SETD4: variants seen among roughly 807,000 people sequenced by gnomAD.
The protein encoded by SETD4 is SET domain containing 4, also known as SET domain-containing protein 4.
A neutral mutation model predicts 58.3 loss-of-function variants in SETD4; 46 were observed. The ratio of observed to expected loss-of-function variants is 0.79; its 90% confidence interval spans 0.62 to 1.01. SETD4 has a LOEUF of 1.01. Ranked by LOEUF, SETD4 falls within the 50% of genes least tolerant of loss-of-function variation. SETD4 has a pLI of 0.00. For synonymous variants in SETD4, 190 were observed against 202.6 expected, an observed-to-expected ratio of 0.94 and a Z score of 0.53; for missense variants, 490 against 523.3, an observed-to-expected ratio of 0.94 and a Z score of 0.62.
chr21:36,044,428 C>T (rs958264795), intron 6 of SETD4, among the ~76,000 whole-genome samples: 3 of 152,318 alleles, frequency 2.0e-5, no homozygotes, highest in African/African-American at 4.8e-5. Context: ...GGCTGTAGTT[C>T]GTGCTGTGGT....
In SETD4 at chr21:36,045,591, T is replaced by C. The variant is rs144764461; in HGVS notation, c.717A>G (p.Pro239=). 1 of 1,612,960 alleles carries C rather than the reference T, an allele frequency of 6.2e-7. No individual in the cohort carries two copies. ...CTTGTCAGCTTCTCACCTGGACATG[T>C]GGGCTATGATTCAGCAGGTCCAGGT... The part of the protein sequence containing the change: ...APYLDLLNHS[P]HVQVKAAFNE... Residue 239 remains proline, a synonymous_variant, in exon 6 of 12, where the codon CCA becomes CCG. Transcript: ENST00000332131.
chr21:36,048,008 A>G (rs1234397042), intron 5 of SETD4, among the ~76,000 whole-genome samples: 1 of 144,500 alleles, frequency 6.9e-6, no homozygotes. Flanking sequence ...CATCTCAAGC[A>G]AGAGAGAGAG....
intron 3 of SETD4, among the ~76,000 whole-genome samples, chr21:36,055,428 A>G (rs2064940998): frequency 6.6e-6 from 1 of 152,206 alleles, no homozygotes; most frequent in Non-Finnish European, 1.5e-5. Flanking sequence ...ACTATCATCA[A>G]TCTACATGGG....
intron 4 of SETD4, chr21:36,051,088 G>A (rs2064657524): frequency 7.0e-7 from 1 of 1,426,138 alleles, no homozygotes; most frequent in Non-Finnish European, 9.9e-7. Context: ...CATAAGGCTT[G>A]TAATCTAGAT....
intron 9 of SETD4, among the ~76,000 whole-genome samples, chr21:36,039,317 C>CG (rs1476593416): frequency 6.6e-6 from 1 of 152,162 alleles, no homozygotes; most frequent in Non-Finnish European, 1.5e-5. Context: ...AGAACTGAAA[C>CG]GCCCCAGCCA....
At chr21:36,038,396 T>A in intron 9 of SETD4, 123 bp from the exon 10 acceptor site, 2 of 1,224,664 alleles carry the variant, frequency 1.6e-6, no homozygotes, top group Non-Finnish European at 2.3e-6. Context: ...ACTCATTCCA[T>A]AAGCAGATTC....
In SETD4 at chr21:36,035,144, C is replaced by A. The variant is rs1209802503; in HGVS notation, c.*849G>T. ...CACGGGCCTGAACAGGACCAGCAGC[C>A]CCTCCGTTACTTACGCAGGCAGTTC... On this transcript the variant is annotated 3_prime_UTR_variant, in exon 12 of 12. Coordinates refer to ENST00000332131, the MANE Select transcript of SETD4 (RefSeq NM_017438.5). 2 of 152,278 alleles carry A rather than the reference C, an allele frequency of 1.3e-5. No individual in the cohort carries two copies. The highest frequency in any genetic ancestry group is 2.4e-5 in the African/African-American group (1 of 41,450). The allele number at this position is 152,278 out of a possible 1,614,324, so 9.4% of individuals were successfully genotyped here. A position where few individuals can be genotyped will look rare whatever the true frequency, so the allele number is the denominator to read the frequency against.
At chr21:36,039,960 TAGC>T (rs1307080613) in intron 9 of SETD4, among the ~76,000 whole-genome samples, 1 of 152,254 alleles carries the variant, frequency 6.6e-6, no homozygotes, top group Non-Finnish European at 1.5e-5. Context: ...CCTGGATATC[TAGC>T]AGCAGAAGGT....
Position 36,036,169 on chromosome 21 carries a change from ATCTT to A in SETD4, c.1267_1270del (p.Lys423PhefsTer63). 6 of 1,613,948 alleles carry A rather than the reference ATCTT, an allele frequency of 3.7e-6. No homozygotes were observed. Among genetic ancestry groups the A allele is most frequent in the Non-Finnish European group, 5.1e-6 (6 of 1,179,990 alleles). On this transcript the variant is annotated frameshift_variant, in exon 11 of 12. Transcript: ENST00000332131. LOFTEE classifies it high-confidence loss of function. ...CAGGGTCTCGGCAGATGCCCTGAGA[ATCTT>A]TAGCTCTTCCGTCCACAAGGATTCC...
rs779154172 is a variant in SETD4, at chr21:36,040,658, G to T, written c.984-3C>A. On this transcript the variant is annotated splice_region_variant and splice_polypyrimidine_tract_variant and intron_variant, in intron 8 of 11. Transcript: ENST00000332131. ...CATCCCATCCAAATGTCAAATTTCT[G>T]AAGTAGAAAAACAAATAATGACAAA... The T allele has an allele frequency of 1.2e-6, 2 of 1,612,498 alleles. No individual in the cohort carries two copies. The highest frequency in any genetic ancestry group is 1.7e-6 in the Non-Finnish European group (2 of 1,178,702).
Position 36,058,897 on chromosome 21 carries a change from TG to T in SETD4, c.-10del, listed in dbSNP as rs1258993108. Reference sequence around the variant, plus strand: ...CCTTTTCCTTTCTGCATGCTAAAACTGTAGTTTCTTTTTTCTGAAATACAGT... The same window carrying T: ...CCTTTTCCTTTCTGCATGCTAAAACTTAGTTTCTTTTTTCTGAAATACAGT... On this transcript the variant is annotated 5_prime_UTR_variant, in exon 2 of 12. Coordinates refer to ENST00000332131, the MANE Select transcript of SETD4 (RefSeq NM_017438.5). 1 of 1,580,008 alleles carries T rather than the reference TG, an allele frequency of 6.3e-7. No homozygotes were observed.
At chr21:36,045,329 C>T (rs571850813) in intron 6 of SETD4, among the ~76,000 whole-genome samples, 2 of 152,278 alleles carry the variant, frequency 1.3e-5, no homozygotes, top group South Asian at 4.1e-4. Flanking sequence ...AAAGACCGGA[C>T]AGAGGATGCA....
intron 3 of SETD4, among the ~76,000 whole-genome samples, chr21:36,055,355 G>C (rs2064938076): frequency 1.3e-5 from 2 of 152,182 alleles, no homozygotes; most frequent in African/African-American, 4.8e-5. Flanking sequence ...CAAAGTAGAA[G>C]TGGCCATTAG....
intron 4 of SETD4, chr21:36,050,917 GT>G (rs1212713485): frequency 2.5e-6 from 4 of 1,610,336 alleles, no homozygotes; most frequent in Non-Finnish European, 3.4e-6. Context: ...TCATTAGGTG[GT>G]GTGGGGATGA....
chr21:36,047,043 GC>G lies in SETD4; in HGVS notation c.297-1033del, dbSNP rs1392244267. On this transcript the variant is annotated intron_variant, in intron 5 of 11. Coordinates refer to ENST00000332131, the MANE Select transcript of SETD4 (RefSeq NM_017438.5). ...AGCCAAAGTGGGTGGATCACTTGAG[GC>G]CAGGAGTTTGAGACCAGCCTGACCA... is the stretch of plus-strand genomic sequence containing the variant. Among the ~76,000 whole-genome samples the G allele has an allele frequency of 2.0e-5, 3 of 152,158 alleles. No individual in the cohort carries two copies. The East Asian group carries it at 5.8e-4, about 29-fold the overall frequency.
At position 36,046,000 on chromosome 21, in the gene SETD4, G is replaced by A. The variant is rs541295186; in HGVS notation, c.308C>T (p.Pro103Leu). 42 of 1,611,980 alleles carry A rather than the reference G, an allele frequency of 2.6e-5. No homozygotes were observed. The highest frequency in any genetic ancestry group is 1.8e-4 in the South Asian group (16 of 90,742). Residue 103 changes from proline (P) to leucine (L), a missense_variant, in exon 6 of 12, where the codon CCT (proline) becomes CTT (leucine). Pro to Leu is a moderately conservative substitution (Grantham distance 98, BLOSUM62 -3). Coordinates refer to ENST00000332131, the MANE Select transcript of SETD4 (RefSeq NM_017438.5). ...GCACAGCGCCAGCAGAGGAGATGGA[G>A]GAGGCTTCCACCTTTGAAAATTAAA... Reference protein sequence around the residue: ...LGAYITKWKPPPSPLLALCTF... With the variant: ...LGAYITKWKPLPSPLLALCTF...
At chr21:36,047,782 A>C (rs562353460) in intron 5 of SETD4, among the ~76,000 whole-genome samples, 1 of 144,630 alleles carries the variant, frequency 6.9e-6, no homozygotes, top group Non-Finnish European at 1.5e-5. Context: ...CAAGGTCAGG[A>C]GCTCAAGACG....
chr21:36,037,450 C>T (rs2063832590), intron 10 of SETD4, among the ~76,000 whole-genome samples: 1 of 151,258 alleles, frequency 6.6e-6, no homozygotes. Flanking sequence ...ACTAAAAATA[C>T]AAAAATTAGC....
chr21:36,038,115 C>T, intron 10 of SETD4, 35 bp downstream of exon 10: 1 of 1,595,420 alleles, frequency 6.3e-7, no homozygotes, highest in Middle Eastern at 1.7e-4. Context: ...TGAATCAAGA[C>T]ACTTCTTTAA....
Sources: allele counts gnomAD v4.1 joint callset (sites outside exome capture counted in the v4.1 genomes callset), GRCh38; gene constraint gnomAD v4.1.1; transcripts MANE v1.5; gene names NCBI Gene and HGNC (gene_info 2026-07-23, HGNC 2026-07-21).